PARP14: variants seen among roughly 807,000 people sequenced by gnomAD.
The protein encoded by PARP14 is protein mono-ADP-ribosyltransferase PARP14.
A neutral mutation model predicts 154.2 loss-of-function variants in PARP14; 59 were observed. The observed-to-expected ratio is 0.38, with a 90% CI of 0.31 to 0.48. PARP14 has a LOEUF of 0.48. PARP14 is among the 20% of genes least tolerant of loss of function. The probability of loss-of-function intolerance (pLI) is 0.98; values close to 1 mark genes in which losing one functional copy is unlikely to be tolerated. For synonymous variants in PARP14, 720 were observed against 780.5 expected (o/e 0.92, Z 1.29); for missense variants, 1,734 against 2,131.6 (o/e 0.81, Z 3.67).
intron 12 of PARP14, 109 bp downstream of exon 12, chr3:122,714,538 C>G: frequency 1.3e-6 from 1 of 750,570 alleles, no homozygotes; most frequent in Non-Finnish European, 2.1e-6. Context: ...GGGCAGCAAC[C>G]ATTAAGCTAG....
chr3:122,714,169 AATGCTT>A (rs1229881891), intron 11 of PARP14, 87 bp from the exon 12 acceptor site: 6 of 1,088,538 alleles, frequency 5.5e-6, no homozygotes, highest in Non-Finnish European at 7.9e-6. Context: ...TTTTTCACAA[AATGCTT>A]ACTTGCCAAG....
rs2107650972 is a variant in PARP14 at position 122,713,511 on chromosome 3, T to C, written c.3707T>C (p.Ile1236Thr). Residue 1236 changes from isoleucine (I) to threonine (T), a missense_variant, in exon 10 of 17, where the codon ATC (isoleucine) becomes ACC (threonine). This residue lies in a region of PARP14 where 1,646 missense variants were observed against 1,976.0 expected (regional missense o/e 0.83). Coordinates refer to ENST00000474629, the MANE Select transcript of PARP14 (RefSeq NM_017554.3). ...ATCTTCCAGGTGGCTTCTGGAGATATCACGAAAGAAGAGGCAGATGTGATT... is the reference window on the plus strand; with the variant it reads ...ATCTTCCAGGTGGCTTCTGGAGATACCACGAAAGAAGAGGCAGATGTGATT... ...SIIFQVASGD[I>T]TKEEADVIVN... 1 of 1,613,584 alleles carries C rather than the reference T, an allele frequency of 6.2e-7. No individual in the cohort carries two copies. The highest frequency in any genetic ancestry group is 2.2e-5 in the East Asian group (1 of 44,886).
chr3:122,689,416 C>T (rs1394481661), intron 3 of PARP14, among the ~76,000 whole-genome samples: 1 of 152,174 alleles, frequency 6.6e-6, no homozygotes, highest in African/African-American at 2.4e-5. Flanking sequence ...AGCAATCCTC[C>T]CACAGCAGCC....
Position 122,687,007 on chromosome 3 carries a change from G to T in PARP14, c.322-73G>T, listed in dbSNP as rs368371144. ...CTATTTACCCTCCATCTCCAGGCTGGTCCCAGGGACATTTTCTTATGTAAA... is the reference window on the plus strand; with the variant it reads ...CTATTTACCCTCCATCTCCAGGCTGTTCCCAGGGACATTTTCTTATGTAAA... On this transcript the variant is annotated intron_variant, in intron 2 of 16. Transcript: ENST00000474629. The T allele has an allele frequency of 6.1e-5, 65 of 1,063,188 alleles. No individual in the cohort carries two copies. The African/African-American group carries it at 8.6e-4, about 14-fold the overall frequency. 65.9% of individuals were successfully genotyped at this position (1,063,188 alleles called of 1,614,324 possible). A position where few individuals can be genotyped will look rare whatever the true frequency, so the allele number is the denominator to read the frequency against.
Position 122,699,620 on chromosome 3 carries a change from A to T in PARP14, c.1066A>T (p.Thr356Ser). Residue 356 changes from threonine to serine, a missense_variant, in exon 6 of 17, where the codon ACG becomes TCG. By Grantham distance (58) the Thr-to-Ser change is moderately conservative. Around this residue, in one of 2 missense-constraint regions of PARP14, gnomAD observed 1,646 missense variants for 1,976.0 expected, o/e 0.83. Coordinates refer to ENST00000474629, the MANE Select transcript of PARP14 (RefSeq NM_017554.3). ...DEMRRCHCEL[T>S]WSQLSGKVTI... ...AATGAGGCGTTGTCACTGTGAGCTCACGTGGTCCCAACTCAGTGGTAAAGT... is the reference window on the plus strand; with the variant it reads ...AATGAGGCGTTGTCACTGTGAGCTCTCGTGGTCCCAACTCAGTGGTAAAGT... 6.2e-7 allele frequency: 1 copy of T among 1,613,954 alleles called. No individual in the cohort carries two copies. Among genetic ancestry groups the T allele is most frequent in the Non-Finnish European group, 8.5e-7 (1 of 1,179,802 alleles).
rs952581054 is a variant in PARP14 at position 122,701,152 on chromosome 3, C to A, written c.2598C>A (p.Ile866=). Residue 866 remains isoleucine, a synonymous_variant, in exon 6 of 17, where the codon ATC becomes ATA. Transcript: ENST00000474629. The surrounding 1 kb of genome is among the most constrained non-coding windows in gnomAD (Gnocchi z 4.0). Reference sequence around the variant, plus strand: ...GACTCCTACCGGGCAATGCCACCATCTCCAAGGCAGGAAAGCTGCCCTACC... The same window carrying A: ...GACTCCTACCGGGCAATGCCACCATATCCAAGGCAGGAAAGCTGCCCTACC... The part of the protein sequence containing the change: ...EGRLLPGNAT[I]SKAGKLPYHH... 1.2e-6 allele frequency: 2 copies of A among 1,613,836 alleles called. No individual in the cohort carries two copies. The highest frequency in any genetic ancestry group is 8.5e-7 in the Non-Finnish European group (1 of 1,179,872).
chr3:122,711,935 A>G (rs1196523446), intron 9 of PARP14, among the ~76,000 whole-genome samples: 1 of 152,068 alleles, frequency 6.6e-6, no homozygotes, highest in Non-Finnish European at 1.5e-5. Context: ...TAATGTCTCC[A>G]GTTTCATTTC....
chr3:122,700,451 A>G lies in PARP14; in HGVS notation c.1897A>G (p.Ile633Val), dbSNP rs753907342. 6.2e-7 allele frequency: 1 copy of G among 1,613,446 alleles called. No individual in the cohort carries two copies. Among genetic ancestry groups the G allele is most frequent in the South Asian group, 1.1e-5 (1 of 90,952 alleles). The change falls in exon 6 of 17, where the codon ATC becomes GTC. Residue 633 changes from isoleucine (I) to valine (V), a missense_variant. By Grantham distance (29) the Ile-to-Val change is conservative. Transcript: ENST00000474629. ...KKQNSSPNTVIINELTSETTA... is the reference protein window; with the variant it reads ...KKQNSSPNTVVINELTSETTA... The stretch of plus-strand genomic sequence containing the variant: ...ACAAAATTCCTCCCCAAACACTGTA[A>G]TCATCAATGAGTTAACTTCAGAAAC...
intron 1 of PARP14, among the ~76,000 whole-genome samples, chr3:122,683,618 A>G (rs1446942278): frequency 2.0e-5 from 3 of 152,214 alleles, no homozygotes; most frequent in South Asian, 2.1e-4. Context: ...TTGATGATCT[A>G]AAGTTGGTGC....
intron 15 of PARP14, among the ~76,000 whole-genome samples, chr3:122,724,132 G>A (rs754806183): frequency 2.0e-5 from 3 of 151,988 alleles, no homozygotes; most frequent in Non-Finnish European, 2.9e-5. Context: ...TCCTTGTCTC[G>A]TGCCTGGAAT....
At chr3:122,721,955 C>T (rs768307919) in intron 15 of PARP14, 5 of 152,146 alleles carry the variant, frequency 3.3e-5, no homozygotes, top group South Asian at 2.1e-4. Context: ...ATAATACAGA[C>T]GAACTGCTAG....
At chr3:122,720,943 A>G (rs1308912237) in intron 15 of PARP14, 1 of 362,378 alleles carries the variant, frequency 2.8e-6, no homozygotes, top group Non-Finnish European at 5.5e-6. Context: ...CCTGCTCTCA[A>G]ATAAAAACAA....
intron 4 of PARP14, 88 bp downstream of exon 4, chr3:122,692,631 T>G: frequency 8.6e-7 from 1 of 1,160,978 alleles, no homozygotes; most frequent in Non-Finnish European, 1.2e-6. Flanking sequence ...TCTCTGAAAG[T>G]TTGACTCTTT....
intron 3 of PARP14, among the ~76,000 whole-genome samples, chr3:122,687,440 A>G (rs551547423): frequency 7.0e-4 from 106 of 152,346 alleles, no homozygotes; most frequent in Middle Eastern, 6.8e-3. Context: ...TAGAGAAGCA[A>G]GGACACGATA....
At chr3:122,692,013 C>T (rs1938556731) in intron 3 of PARP14, among the ~76,000 whole-genome samples, 1 of 152,016 alleles carries the variant, frequency 6.6e-6, no homozygotes, top group South Asian at 2.1e-4. Flanking sequence ...TATGTACCCA[C>T]CAGCAATAAA....
intron 8 of PARP14, among the ~76,000 whole-genome samples, chr3:122,707,229 A>G (rs1294703676): frequency 6.6e-6 from 1 of 152,050 alleles, no homozygotes; most frequent in Non-Finnish European, 1.5e-5. Flanking sequence ...CCTGGCTAAC[A>G]TGGTGAAACC....
intron 11 of PARP14, 49 bp downstream of exon 11, chr3:122,713,983 C>T (rs887916984): frequency 3.0e-6 from 4 of 1,343,248 alleles, no homozygotes; most frequent in Non-Finnish European, 4.3e-6. Context: ...GTATGGGAGG[C>T]TGTGGAGAGG....
chr3:122,727,083 G>A (rs1361060786), intron 15 of PARP14, among the ~76,000 whole-genome samples: 2 of 151,514 alleles, frequency 1.3e-5, no homozygotes, highest in Admixed American at 6.6e-5. Context: ...CTGACAACAT[G>A]GACAACAGGG....
At chr3:122,709,163 A>C (rs1371640698) in intron 9 of PARP14, among the ~76,000 whole-genome samples, 2 of 152,126 alleles carry the variant, frequency 1.3e-5, no homozygotes, top group African/African-American at 4.8e-5. Context: ...CCTGAGCAGC[A>C]TATACTGTAC....
Sources: allele counts gnomAD v4.1 joint callset (sites outside exome capture counted in the v4.1 genomes callset), GRCh38; gene constraint gnomAD v4.1.1; regional missense constraint gnomAD v4.1.1; non-coding constraint Gnocchi (gnomAD v3.1); transcripts MANE v1.5; gene names NCBI Gene and HGNC (gene_info 2026-07-23, HGNC 2026-07-21).